GRID2: variants seen among roughly 807,000 people sequenced by gnomAD.
The protein encoded by GRID2 is glutamate ionotropic receptor delta type subunit 2.
In GRID2, 33 loss-of-function variants were observed where a neutral mutation model predicts 114.8. That is an observed-to-expected ratio of 0.29 (90% CI 0.22 to 0.38). The LOEUF (loss-of-function observed/expected upper bound fraction) is 0.38, where lower values mean the gene tolerates loss of function less well. Among genes scored for constraint, GRID2 ranks in the 10% least tolerant of loss-of-function variants. The pLI, the probability that GRID2 is intolerant of heterozygous loss-of-function variation, is 1.00. For synonymous variants in GRID2, 505 were observed against 449.9 expected (o/e 1.12, Z -1.55); for missense variants, 1,184 against 1,257.7 (o/e 0.94, Z 0.89).
At position 93,692,602 on chromosome 4, in the gene GRID2, CTCATA is replaced by C. The variant is rs555680546; in HGVS notation, c.2360+66172_2360+66176del. On this transcript the variant is annotated intron_variant, in intron 14 of 15. Transcript: ENST00000282020. ...GTATTTGGAATTATGTATACTTAGC[CTCATA>C]TCATTTAGGCCATTGTGTAAATAAT... 2.6e-5 allele frequency among the ~76,000 whole-genome samples: 4 copies of C among 151,840 alleles called. No individual in the cohort carries two copies. The East Asian group carries it at 7.7e-4, about 29-fold the overall frequency.
intron 5 of GRID2, among the ~76,000 whole-genome samples, chr4:93,216,141 C>T (rs1358911176): frequency 6.6e-6 from 1 of 151,872 alleles, no homozygotes; most frequent in Non-Finnish European, 1.5e-5. Flanking sequence ...TTCATCTATT[C>T]CTTACCAAGA....
intron 2 of GRID2, among the ~76,000 whole-genome samples, chr4:92,779,723 A>G (rs1738981808): frequency 1.3e-5 from 2 of 152,262 alleles, no homozygotes; most frequent in Admixed American, 6.5e-5. Flanking sequence ...GAGTTTTCCA[A>G]TAAGCGCCAC....
intron 1 of GRID2, among the ~76,000 whole-genome samples, chr4:92,491,308 C>T (rs1388373510): frequency 6.6e-6 from 1 of 152,098 alleles, no homozygotes; most frequent in Non-Finnish European, 1.5e-5. Flanking sequence ...ATAATATCAG[C>T]TATGCTTCCA....
At chr4:92,320,287 T>C (rs1394718999) in intron 1 of GRID2, among the ~76,000 whole-genome samples, 2 of 152,124 alleles carry the variant, frequency 1.3e-5, no homozygotes, top group African/African-American at 4.8e-5. Context: ...CTAGTCATCT[T>C]TTTCTAGCTT....
chr4:93,653,301 A>G (rs904739049), intron 14 of GRID2, among the ~76,000 whole-genome samples: 1 of 152,194 alleles, frequency 6.6e-6, no homozygotes, highest in Non-Finnish European at 1.5e-5. Context: ...CATAATAGCC[A>G]TATTTGTAAG....
intron 8 of GRID2, among the ~76,000 whole-genome samples, chr4:93,274,389 G>A (rs1157229434): frequency 6.6e-6 from 1 of 152,060 alleles, no homozygotes; most frequent in Non-Finnish European, 1.5e-5. Flanking sequence ...AAAGCTACGA[G>A]ACTGGATTTC....
In GRID2 at chr4:93,240,225, T is replaced by G. The variant is rs147842136; in HGVS notation, c.1245+1735T>G. On this transcript the variant is annotated intron_variant, in intron 8 of 15. Transcript: ENST00000282020. ...CCAGATAACATCAAACCCATTTTCA[T>G]AGTAATTTACTAATTTACATACCAC... Among the ~76,000 whole-genome samples the G allele has an allele frequency of 2.0e-3, 298 of 151,784 alleles. 1 individual carries two copies. Among genetic ancestry groups the G allele is most frequent in the African/African-American group, 6.9e-3 (287 of 41,522 alleles).
At chr4:93,352,961 C>G (rs77636098) in intron 8 of GRID2, among the ~76,000 whole-genome samples, 3,106 of 152,028 alleles carry the variant, frequency 0.02, 41 homozygotes, top group South Asian at 0.045. Context: ...CAGAAGCAAT[C>G]AAGAAGGGCA....
chr4:93,169,870 GTA>G (rs1203962981), intron 4 of GRID2, among the ~76,000 whole-genome samples: 1 of 152,132 alleles, frequency 6.6e-6, no homozygotes, highest in African/African-American at 2.4e-5. Flanking sequence ...TGAGATATCT[GTA>G]AAAATTCTCA....
intron 3 of GRID2, among the ~76,000 whole-genome samples, chr4:93,090,532 A>G (rs2149328396): frequency 6.6e-6 from 1 of 152,320 alleles, no homozygotes; most frequent in African/African-American, 2.4e-5. Flanking sequence ...ATTCAGGGAA[A>G]AAATTTATAA....
intron 4 of GRID2, among the ~76,000 whole-genome samples, chr4:93,190,722 G>A (rs186989916): frequency 6.6e-6 from 1 of 152,070 alleles, no homozygotes; most frequent in East Asian, 1.9e-4. Flanking sequence ...CTATTTCCTA[G>A]CTTTAGAGCT....
chr4:92,596,516 C>G (rs1463011037), intron 2 of GRID2, among the ~76,000 whole-genome samples: 1 of 152,024 alleles, frequency 6.6e-6, no homozygotes, highest in Non-Finnish European at 1.5e-5. Flanking sequence ...GTCCTTTCCC[C>G]AGCAATCTCC....
chr4:93,039,198 C>T (rs1725241770), intron 2 of GRID2, among the ~76,000 whole-genome samples: 1 of 152,044 alleles, frequency 6.6e-6, no homozygotes, highest in African/African-American at 2.4e-5. Context: ...AACCATCATT[C>T]TCTGCAAGCT....
chr4:92,458,918 A>T lies in GRID2; in HGVS notation c.89-131213A>T, dbSNP rs1384104101. 2.6e-5 allele frequency among the ~76,000 whole-genome samples: 4 copies of T among 152,182 alleles called. No homozygotes were observed. The East Asian group carries it at 7.7e-4, about 29-fold the overall frequency. On this transcript the variant is annotated intron_variant, in intron 1 of 15. Transcript: ENST00000282020. Reference sequence around the variant, plus strand: ...ATGTAGGTAGAGACTTCATTCTTCCATGCTCTGAGCAGGTAATGATCCCAC... The same window carrying T: ...ATGTAGGTAGAGACTTCATTCTTCCTTGCTCTGAGCAGGTAATGATCCCAC...
intron 2 of GRID2, among the ~76,000 whole-genome samples, chr4:93,034,730 T>G (rs1724759298): frequency 6.6e-6 from 1 of 152,140 alleles, no homozygotes; most frequent in South Asian, 2.1e-4. Context: ...GTCCAATGTT[T>G]CAACAGAAAA....
intron 14 of GRID2, among the ~76,000 whole-genome samples, chr4:93,696,182 A>G (rs1727003565): frequency 6.6e-6 from 1 of 152,152 alleles, no homozygotes; most frequent in African/African-American, 2.4e-5. Flanking sequence ...ACCCTTCTAC[A>G]TCATCCGTTC....
At chr4:92,904,937 A>G (rs566200616) in intron 2 of GRID2, among the ~76,000 whole-genome samples, 3 of 152,166 alleles carry the variant, frequency 2.0e-5, no homozygotes, top group South Asian at 2.1e-4. Flanking sequence ...TAATTTTACT[A>G]TCCTTAAATG....
At position 92,673,303 on chromosome 4, in the gene GRID2, C is replaced by G. The variant is rs145083168; in HGVS notation, c.244+83017C>G. ...TATAAGACTACTGTAGCAGTGTATT[C>G]CCATTTATGTCTGTATGCACTGTTG... On this transcript the variant is annotated intron_variant, in intron 2 of 15. Coordinates refer to ENST00000282020, the MANE Select transcript of GRID2 (RefSeq NM_001510.4). Among the ~76,000 whole-genome samples, 10 of 152,220 alleles carry G rather than the reference C, an allele frequency of 6.6e-5. No individual in the cohort carries two copies. The East Asian group carries it at 1.5e-3, about 23-fold the overall frequency.
intron 2 of GRID2, among the ~76,000 whole-genome samples, chr4:93,076,494 A>G (rs1478005492): frequency 6.6e-6 from 1 of 152,102 alleles, no homozygotes; most frequent in Non-Finnish European, 1.5e-5. Flanking sequence ...TATTCTTTAC[A>G]CTTTTCCTAA....
Sources: gnomAD v4.1 joint callset for allele counts (sites outside exome capture counted in the v4.1 genomes callset) on GRCh38, gnomAD v4.1.1 for gene constraint, MANE v1.5 for transcripts, NCBI Gene and HGNC (gene_info 2026-07-23, HGNC 2026-07-21) for gene names.